Variants in RIPOR2 observed in about 807,000 individuals in gnomAD.
The protein encoded by RIPOR2 is rho family-interacting cell polarization regulator 2.
In RIPOR2, 39 loss-of-function variants were observed where a neutral mutation model predicts 114.5. The ratio of observed to expected loss-of-function variants is 0.34; its 90% CI spans 0.26 to 0.44. The LOEUF is 0.44. Among genes scored for constraint, RIPOR2 ranks in the 20% least tolerant of loss-of-function variants. The pLI is 1.00. For synonymous variants in RIPOR2, 445 were observed against 484.4 expected (o/e 0.92, Z 1.07); for missense variants, 1,007 against 1,255.1 (o/e 0.80, Z 2.99).
chr6:24,819,324 C>G (rs1759456798), intron 19 of RIPOR2, among the ~76,000 whole-genome samples: 1 of 151,870 alleles, frequency 6.6e-6, no homozygotes, highest in South Asian at 2.1e-4. Context: ...AATGTTTGAA[C>G]TGGAATGGAA....
intron 1 of RIPOR2, among the ~76,000 whole-genome samples, chr6:25,026,285 T>C (rs1222567903): frequency 6.6e-6 from 1 of 152,236 alleles, no homozygotes; most frequent in Non-Finnish European, 1.5e-5. Flanking sequence ...TTTTATTAGA[T>C]ATTTATATAG....
intron 1 of RIPOR2, among the ~76,000 whole-genome samples, chr6:24,954,876 A>C (rs981630621): frequency 3.3e-5 from 5 of 152,208 alleles, no homozygotes; most frequent in Non-Finnish European, 7.3e-5. Flanking sequence ...AGAATGAGAA[A>C]GTCTTTGAGA....
At chr6:24,836,164 A>C in intron 14 of RIPOR2, 1 of 357,920 alleles carries the variant, frequency 2.8e-6, no homozygotes, top group Non-Finnish European at 5.3e-6. Flanking sequence ...ACATGCCCTC[A>C]TTTTGAATGT....
intron 1 of RIPOR2, among the ~76,000 whole-genome samples, chr6:25,017,262 C>G (rs1050171400): frequency 2.0e-5 from 3 of 152,196 alleles, no homozygotes; most frequent in African/African-American, 7.2e-5. Context: ...GCAAAGGTTG[C>G]ACTGAACTGA....
At chr6:24,837,290 T>A (rs1220336916) in intron 14 of RIPOR2, among the ~76,000 whole-genome samples, 2 of 151,068 alleles carry the variant, frequency 1.3e-5, no homozygotes, top group Non-Finnish European at 3.0e-5. Flanking sequence ...GCCTGGCTAA[T>A]TTTTGTATTT....
intron 17 of RIPOR2, among the ~76,000 whole-genome samples, chr6:24,829,361 T>C (rs1173610087): frequency 2.0e-5 from 3 of 152,024 alleles, no homozygotes; most frequent in Admixed American, 6.6e-5. Flanking sequence ...CCCAGTGTAG[T>C]GGCTCACAAC....
chr6:24,972,601 T>C (rs1404458498), intron 1 of RIPOR2, among the ~76,000 whole-genome samples: 1 of 152,178 alleles, frequency 6.6e-6, no homozygotes, highest in Non-Finnish European at 1.5e-5. Context: ...CTCAAAGGGA[T>C]ATTATAATGC....
rs9379693 is a variant in RIPOR2 at position 24,809,708 on chromosome 6, A to T, written c.3043+9T>A. 0.14 allele frequency: 212,661 copies of T among 1,517,870 alleles called. 15,470 individuals carry two copies. The highest frequency in any genetic ancestry group is 0.15 in the Admixed American group (7,721 of 50,936). The allele number at this position is 1,517,870 out of a possible 1,614,324, so 94.0% of individuals were successfully genotyped here. A position where few individuals can be genotyped will look rare whatever the true frequency, so the allele number is the denominator to read the frequency against. Reference sequence around the variant, plus strand: ...AAACAATCATGTAAACAACAACAATAAAACTCACCCAGAGACAAGAGGGTT... The same window carrying T: ...AAACAATCATGTAAACAACAACAATTAAACTCACCCAGAGACAAGAGGGTT... On this transcript the variant is annotated intron_variant, in intron 21 of 21. Coordinates refer to ENST00000643898, the MANE Select transcript of RIPOR2 (RefSeq NM_001286445.3).
upstream of RIPOR2, among the ~76,000 whole-genome samples, chr6:24,939,482 T>C (rs1771998523): frequency 6.6e-6 from 1 of 152,150 alleles, no homozygotes; most frequent in Non-Finnish European, 1.5e-5. Flanking sequence ...AAAACACCTT[T>C]ACAAGTGGAA....
At chr6:25,034,051 T>C (rs958807709) in intron 1 of RIPOR2, among the ~76,000 whole-genome samples, 2 of 151,586 alleles carry the variant, frequency 1.3e-5, no homozygotes, top group African/African-American at 4.8e-5. Flanking sequence ...TTTGAATGTA[T>C]AGAGAATTGG....
intron 1 of RIPOR2, among the ~76,000 whole-genome samples, chr6:24,930,175 G>A (rs1771273376): frequency 6.6e-6 from 1 of 152,144 alleles, no homozygotes; most frequent in African/African-American, 2.4e-5. Flanking sequence ...AAAGAGAGGT[G>A]GGAGTGCAAC....
rs139821096 is a variant in RIPOR2 at position 24,935,566 on chromosome 6, A to C, written c.61+272T>G. Among the ~76,000 whole-genome samples the C allele has an allele frequency of 6.4e-4, 97 of 152,326 alleles. 1 individual carries two copies. In the South Asian group the frequency reaches 0.016, roughly 25 times the overall value. ...AGAAGAGAGACAAGGCAAAAAATTT[A>C]GTACTATTTTCCAGCCTAAACTAAA... On this transcript the variant is annotated intron_variant, in intron 1 of 21. Coordinates refer to ENST00000643898, the MANE Select transcript of RIPOR2 (RefSeq NM_001286445.3).
chr6:24,884,002 C>A (rs890366866), intron 1 of RIPOR2, among the ~76,000 whole-genome samples: 1 of 152,208 alleles, frequency 6.6e-6, no homozygotes, highest in Non-Finnish European at 1.5e-5. Flanking sequence ...TAAAGATACA[C>A]GTCTGCTTAT....
chr6:25,029,347 G>C (rs1401105401), intron 1 of RIPOR2, among the ~76,000 whole-genome samples: 2 of 147,716 alleles, frequency 1.4e-5, no homozygotes, highest in African/African-American at 2.5e-5. Context: ...GCTTGCTGCA[G>C]TGAGCCGAGA....
chr6:24,986,461 T>G (rs979796482), intron 1 of RIPOR2, among the ~76,000 whole-genome samples: 9 of 152,200 alleles, frequency 5.9e-5, no homozygotes, highest in African/African-American at 2.2e-4. Flanking sequence ...CAGTGTTTCT[T>G]GAAACAATAA....
At chr6:24,827,382 C>A (rs1442382782) in intron 18 of RIPOR2, among the ~76,000 whole-genome samples, 1 of 152,202 alleles carries the variant, frequency 6.6e-6, no homozygotes. Flanking sequence ...AAGGGGTAAG[C>A]CTGGGCTTGC....
At chr6:24,853,555 C>T (rs925947950) in intron 8 of RIPOR2, among the ~76,000 whole-genome samples, 5 of 152,192 alleles carry the variant, frequency 3.3e-5, no homozygotes, top group Non-Finnish European at 7.3e-5. Flanking sequence ...CAGACAAGGA[C>T]TTGAAGGCAG....
Position 24,839,364 on chromosome 6 carries a change from T to C in RIPOR2, c.1858-92A>G, listed in dbSNP as rs1761408836. ...CTCAATTGGAGATGCCACACTTTTT[T>C]TTTTGTTTCAAGTTTTTATTTTTTG... On this transcript the variant is annotated intron_variant, in intron 13 of 21. Transcript: ENST00000643898. The C allele has an allele frequency of 5.5e-6, 8 of 1,452,210 alleles. No homozygotes were observed. In the South Asian group the frequency reaches 1.2e-4, roughly 22 times the overall value. 90.0% of individuals were successfully genotyped at this position (1,452,210 alleles called of 1,614,324 possible). A position where few individuals can be genotyped will look rare whatever the true frequency, so the allele number is the denominator to read the frequency against.
rs558997908 is a variant in RIPOR2 at position 24,876,772 on chromosome 6, C to T, written c.62-955G>A. ...AGAGGAAAATACAGCAGAAAGCGCA[C>T]AACTTGTATTTCAGTCTTTTGCTTG... On this transcript the variant is annotated intron_variant, in intron 1 of 21. Transcript: ENST00000643898. Among the ~76,000 whole-genome samples, 7 of 152,296 alleles carry T rather than the reference C, an allele frequency of 4.6e-5. No individual in the cohort carries two copies. In the East Asian group the frequency reaches 5.8e-4, roughly 13 times the overall value.
Sources: gnomAD v4.1 joint callset for allele counts (sites outside exome capture counted in the v4.1 genomes callset) on GRCh38, gnomAD v4.1.1 for gene constraint, MANE v1.5 for transcripts, NCBI Gene and HGNC (gene_info 2026-07-23, HGNC 2026-07-21) for gene names.